The following DDX6 variants were observed in gnomAD, a reference collection of about 807,000 sequenced individuals.
DDX6 encodes DEAD-box helicase 6, also known as probable ATP-dependent RNA helicase DDX6.
In DDX6, 7 loss-of-function variants were observed where a neutral mutation model predicts 60.6. The ratio of observed to expected loss-of-function variants is 0.12; its 90% CI spans 0.07 to 0.22. The LOEUF is 0.22. Among genes scored for constraint, DDX6 ranks in the 10% least tolerant of loss-of-function variants. The pLI is 1.00. For synonymous variants in DDX6, 207 were observed against 201.0 expected (o/e 1.03, Z -0.25); for missense variants, 270 against 589.9 (o/e 0.46, Z 5.62).
At chr11:118,759,540 G>T (rs1555159718) in intron 8 of DDX6, among the ~76,000 whole-genome samples, 1 of 152,110 alleles carries the variant, frequency 6.6e-6, no homozygotes, top group African/African-American at 2.4e-5. Flanking sequence ...AAAATCCAAA[G>T]AACATTTCCT....
chr11:118,776,044 TG>T (rs1346164123), intron 4 of DDX6, among the ~76,000 whole-genome samples: 2 of 152,100 alleles, frequency 1.3e-5, no homozygotes, highest in Non-Finnish European at 2.9e-5. Context: ...CTCAGGAGGC[TG>T]GGGCAGGAGT....
intron 2 of DDX6, chr11:118,785,779 T>G (rs1408661258): frequency 3.3e-6 from 1 of 303,264 alleles, no homozygotes; most frequent in Non-Finnish European, 6.0e-6. Context: ...TAATAACTTT[T>G]ACACTAATTA....
At chr11:118,770,826 G>A (rs1054894937) in intron 4 of DDX6, among the ~76,000 whole-genome samples, 1 of 151,446 alleles carries the variant, frequency 6.6e-6, no homozygotes, top group Non-Finnish European at 1.5e-5. Flanking sequence ...AGGTTGCAGT[G>A]GGCCAAGATT....
intron 4 of DDX6, among the ~76,000 whole-genome samples, chr11:118,769,695 A>G (rs1861472031): frequency 1.3e-5 from 2 of 152,026 alleles, no homozygotes; most frequent in Non-Finnish European, 1.5e-5. Flanking sequence ...AAATTGTTAA[A>G]AGGAAATTAT....
Position 118,786,260 on chromosome 11 carries a change from A to C in DDX6, c.-9T>G. ...GTTCTGGCCGTGCTCATGCTGTTTT[A>C]ATTGCAAAGGTCTTTCAAACTTCAA... On this transcript the variant is annotated 5_prime_UTR_variant, in exon 2 of 14. In the 5' UTR this introduces an upstream ATG that the reference lacks. Transcript: ENST00000534980. 6.3e-7 allele frequency: 1 copy of C among 1,591,090 alleles called. No individual in the cohort carries two copies. Among genetic ancestry groups the C allele is most frequent in the Non-Finnish European group, 8.6e-7 (1 of 1,168,110 alleles).
chr11:118,757,297 G>A lies in DDX6; in HGVS notation c.994-10C>T, dbSNP rs1436576254. On this transcript the variant is annotated splice_polypyrimidine_tract_variant and intron_variant, in intron 9 of 13. Transcript: ENST00000534980. The stretch of plus-strand genomic sequence containing the variant: ...ACTGGTTTATCTGAAGCTGAGCACA[G>A]AAAAAAATAAGTATGAGAAAAATAA... 2.1e-6 allele frequency: 3 copies of A among 1,441,752 alleles called. No homozygotes were observed. The highest frequency in any genetic ancestry group is 1.9e-6 in the Non-Finnish European group (2 of 1,076,472). The allele number at this position is 1,441,752 out of a possible 1,614,324, so 89.3% of individuals were successfully genotyped here.
intron 4 of DDX6, 119 bp downstream of exon 4, chr11:118,779,510 GAAA>G (rs1861817080): frequency 1.7e-6 from 1 of 594,724 alleles, no homozygotes; most frequent in East Asian, 3.1e-5. Flanking sequence ...AAAAATTTCA[GAAA>G]AAGTGTGTAT....
intron 11 of DDX6, among the ~76,000 whole-genome samples, chr11:118,755,850 A>C (rs1038728965): frequency 6.6e-6 from 1 of 152,114 alleles, no homozygotes; most frequent in Non-Finnish European, 1.5e-5. Flanking sequence ...CCCTGTCTCT[A>C]CCAAAAATAC....
intron 4 of DDX6, among the ~76,000 whole-genome samples, chr11:118,779,340 T>C (rs1262955769): frequency 6.6e-6 from 1 of 152,126 alleles, no homozygotes; most frequent in African/African-American, 2.4e-5. Flanking sequence ...ATAAAGGACA[T>C]GTTTGGGTCC....
chr11:118,763,191 T>TGCCAAATG, intron 7 of DDX6, 21 bp downstream of exon 7: 2 of 1,544,358 alleles, frequency 1.3e-6, no homozygotes, highest in Non-Finnish European at 1.8e-6. Context: ...AACAGTATAA[T>TGCCAAATG]GCCAAATGAA....
At position 118,755,506 on chromosome 11, in the gene DDX6, TAAA is replaced by T; in HGVS notation, c.1175-6_1175-4del. ...ATCAATACCTCGGGTAAACAGATCT[TAAA>T]AAAAAAAAGATAATTTTCATTTTTT... is the stretch of plus-strand genomic sequence containing the variant. On this transcript the variant is annotated splice_region_variant and splice_polypyrimidine_tract_variant and intron_variant, in intron 11 of 13. Coordinates refer to ENST00000534980, the MANE Select transcript of DDX6 (RefSeq NM_004397.6). 1 of 1,239,678 alleles carries T rather than the reference TAAA, an allele frequency of 8.1e-7. No individual in the cohort carries two copies. 76.8% of individuals were successfully genotyped at this position (1,239,678 alleles called of 1,614,324 possible). A position where few individuals can be genotyped will look rare whatever the true frequency, so the allele number is the denominator to read the frequency against.
Position 118,753,559 on chromosome 11 carries a change from C to A in DDX6, c.*7+1146G>T, listed in dbSNP as rs937134059. ...TTCACCATGTTGGCCAGGATGGTCT[C>A]GATCTCTTGACCTCGTGATCCGCCC... is the stretch of plus-strand genomic sequence containing the variant. On this transcript the variant is annotated intron_variant, in intron 13 of 13. Transcript: ENST00000534980. Among the ~76,000 whole-genome samples the A allele has an allele frequency of 2.7e-5, 4 of 146,480 alleles. No individual in the cohort carries two copies. In the Admixed American group the frequency reaches 2.7e-4, roughly 10 times the overall value.
At chr11:118,764,417 T>C (rs1555160910) in intron 6 of DDX6, among the ~76,000 whole-genome samples, 2 of 20,444 alleles carry the variant, frequency 9.8e-5, no homozygotes, top group Admixed American at 6.7e-4. Context: ...AGTTGGCCAA[T>C]TTTTCGGCAC....
chr11:118,773,156 T>C (rs1296360853), intron 4 of DDX6, among the ~76,000 whole-genome samples: 4 of 152,182 alleles, frequency 2.6e-5, no homozygotes, highest in African/African-American at 7.2e-5. Flanking sequence ...TCTCCTAGCA[T>C]TGAGAGGCAT....
rs1861111171 is a variant in DDX6 at position 118,760,053 on chromosome 11, G to C, written c.742-9C>G. The C allele has an allele frequency of 6.2e-7, 1 of 1,608,556 alleles. No homozygotes were observed. Among genetic ancestry groups the C allele is most frequent in the Admixed American group, 1.7e-5 (1 of 58,700 alleles). ...GACAGCAACTTATCTGCCTGCAGTA[G>C]AAAGAAAAGACAATTTTAAAAACAA... On this transcript the variant is annotated splice_polypyrimidine_tract_variant and intron_variant, in intron 7 of 13. Coordinates refer to ENST00000534980, the MANE Select transcript of DDX6 (RefSeq NM_004397.6).
At chr11:118,781,352 G>C (rs1301376469) in intron 2 of DDX6, among the ~76,000 whole-genome samples, 168 bp from the exon 3 acceptor site, 1 of 152,066 alleles carries the variant, frequency 6.6e-6, no homozygotes, top group Non-Finnish European at 1.5e-5. Flanking sequence ...TTCTTATAGA[G>C]AATCTCAGGA....
intron 5 of DDX6, among the ~76,000 whole-genome samples, chr11:118,765,851 A>G (rs1169153122): frequency 6.6e-6 from 1 of 152,040 alleles, no homozygotes; most frequent in Non-Finnish European, 1.5e-5. Flanking sequence ...TTGGGAGGCC[A>G]AGGTGGGTGG....
intron 5 of DDX6, 43 bp from the exon 6 acceptor site, chr11:118,765,398 G>T: frequency 6.2e-7 from 1 of 1,601,262 alleles, no homozygotes; most frequent in South Asian, 1.1e-5. Context: ...ATGGGGTGAG[G>T]TGGGAGAACA....
chr11:118,768,193 A>G, intron 5 of DDX6, 30 bp downstream of exon 5: 1 of 1,601,192 alleles, frequency 6.2e-7, no homozygotes, highest in Non-Finnish European at 8.5e-7. Flanking sequence ...TCCCATTTTT[A>G]GTTTAAAAAC....
Sources: allele counts gnomAD v4.1 joint callset (sites outside exome capture counted in the v4.1 genomes callset), GRCh38; gene constraint gnomAD v4.1.1; transcripts MANE v1.5; gene names NCBI Gene and HGNC (gene_info 2026-07-23, HGNC 2026-07-21).